The following UVRAG variants were observed in gnomAD, a reference collection of about 807,000 sequenced individuals.
UVRAG encodes UV radiation resistance-associated gene protein.
In UVRAG, 19 loss-of-function variants were observed where a neutral mutation model predicts 78.0. The observed-to-expected ratio is 0.24, with a 90% CI of 0.17 to 0.36. The LOEUF is 0.36. UVRAG is among the 10% of genes least tolerant of loss of function. The pLI is 1.00. For synonymous variants in UVRAG, 323 were observed against 324.6 expected (o/e 1.00, Z 0.05); for missense variants, 740 against 853.8 (o/e 0.87, Z 1.66).
intron 6 of UVRAG, among the ~76,000 whole-genome samples, chr11:75,954,898 A>G (rs1245417822): frequency 6.6e-6 from 1 of 152,224 alleles, no homozygotes; most frequent in African/African-American, 2.4e-5. Context: ...GCTTTTGAAG[A>G]AGAGGTTGCT....
In UVRAG at chr11:75,867,428, C is replaced by CT. The variant is rs371407045; in HGVS notation, c.270+5651dup. Among the ~76,000 whole-genome samples the CT allele has an allele frequency of 1.2e-3, 183 of 152,250 alleles. 1 individual carries two copies. The highest frequency in any genetic ancestry group is 4.2e-3 in the African/African-American group (173 of 41,546). On this transcript the variant is annotated intron_variant, in intron 3 of 14. Coordinates refer to ENST00000356136, the MANE Select transcript of UVRAG (RefSeq NM_003369.4). ...TTTGTGTCCGATTGCCATGTTTCAA[C>CT]TTTATGTAGTAAGATTCATTTATTT...
At chr11:75,992,274 T>C (rs2135301718) in intron 8 of UVRAG, among the ~76,000 whole-genome samples, 1 of 152,328 alleles carries the variant, frequency 6.6e-6, no homozygotes, top group East Asian at 1.9e-4. Context: ...TGCACATTCT[T>C]GAATCTCTAT....
intron 13 of UVRAG, among the ~76,000 whole-genome samples, chr11:76,083,854 C>T (rs1164757740): frequency 2.0e-5 from 3 of 152,184 alleles, no homozygotes; most frequent in African/African-American, 7.2e-5. Context: ...ATAAACATCA[C>T]TTCATGTTAT....
intron 3 of UVRAG, among the ~76,000 whole-genome samples, chr11:75,869,150 C>T (rs1245465102): frequency 6.6e-6 from 1 of 152,148 alleles, no homozygotes; most frequent in Non-Finnish European, 1.5e-5. Flanking sequence ...GTTCCAGAGC[C>T]CTGCTGTTTT....
intron 13 of UVRAG, among the ~76,000 whole-genome samples, chr11:76,089,747 G>A (rs1951660851): frequency 6.6e-6 from 1 of 152,106 alleles, no homozygotes; most frequent in African/African-American, 2.4e-5. Context: ...TAAATAATTT[G>A]ATAATGTTGA....
At chr11:76,082,997 C>T (rs368233144) in intron 13 of UVRAG, among the ~76,000 whole-genome samples, 5 of 152,304 alleles carry the variant, frequency 3.3e-5, no homozygotes, top group African/African-American at 1.2e-4. Context: ...CACCACTGCA[C>T]TCCAGCCTGG....
chr11:75,994,854 T>TTGCTTTGTTC (rs2135308682), intron 8 of UVRAG, among the ~76,000 whole-genome samples: 1 of 152,358 alleles, frequency 6.6e-6, no homozygotes, highest in Non-Finnish European at 1.5e-5. Flanking sequence ...GAACTTTGTT[T>TTGCTTTGTTC]TGCTTTGTTC....
chr11:76,066,325 C>T (rs774642616), intron 13 of UVRAG, among the ~76,000 whole-genome samples: 2 of 152,002 alleles, frequency 1.3e-5, no homozygotes, highest in East Asian at 1.9e-4. Context: ...TTCCGTATGC[C>T]GTAGTAAGAC....
Position 75,911,988 on chromosome 11 carries a change from A to G in UVRAG, c.542A>G (p.Gln181Arg), listed in dbSNP as rs780270427. The G allele has an allele frequency of 1.2e-6, 2 of 1,613,550 alleles. No individual in the cohort carries two copies. The highest frequency in any genetic ancestry group is 1.7e-5 in the Admixed American group (1 of 60,012). ...YSNAQKTILL[Q>R]VDQNCVRNSY... is the part of the protein sequence containing the mutation. ...AATGCTCAGAAGACTATTCTTCTGCAGGTGGATCAGAACTGTGTTCGCAAT... is the reference window on the plus strand; with the variant it reads ...AATGCTCAGAAGACTATTCTTCTGCGGGTGGATCAGAACTGTGTTCGCAAT... Residue 181 changes from glutamine to arginine, a missense_variant, in exon 6 of 15, where the codon CAG becomes CGG. Gln to Arg is a conservative substitution (Grantham distance 43, BLOSUM62 1). Transcript: ENST00000356136.
intron 13 of UVRAG, among the ~76,000 whole-genome samples, chr11:76,072,986 G>A (rs953048847): frequency 5.3e-5 from 8 of 152,138 alleles, no homozygotes; most frequent in African/African-American, 1.7e-4. Flanking sequence ...ACATGATGGT[G>A]GCTAAAATTG....
rs543592212 is a variant in UVRAG, at chr11:76,120,921, A to G, written c.1397+4906A>G. Among the ~76,000 whole-genome samples the G allele has an allele frequency of 3.4e-4, 52 of 152,306 alleles. No homozygotes were observed. In the South Asian group the frequency reaches 0.011, roughly 32 times the overall value. ...TCAGGTTCCTAAGGGAGGCTCTTAC[A>G]TCTTTTGTAAAGCAAAACACTTCCA... On this transcript the variant is annotated intron_variant, in intron 14 of 14. Coordinates refer to ENST00000356136, the MANE Select transcript of UVRAG (RefSeq NM_003369.4).
rs139708016 is a variant in UVRAG, at chr11:76,127,414, G to A, written c.1397+11399G>A. Among the ~76,000 whole-genome samples the A allele has an allele frequency of 7.7e-3, 1,179 of 152,252 alleles. 19 individuals carry two copies. Among genetic ancestry groups the A allele is most frequent in the African/African-American group, 0.027 (1,138 of 41,544 alleles). ...CACGCCTGTAATCCCAGCACTTTGGGAGGCCGAGGTGGGTGGATCACCTGA... is the reference window on the plus strand; with the variant it reads ...CACGCCTGTAATCCCAGCACTTTGGAAGGCCGAGGTGGGTGGATCACCTGA... On this transcript the variant is annotated intron_variant, in intron 14 of 14. Transcript: ENST00000356136.
chr11:75,909,646 T>C (rs1947691434), intron 5 of UVRAG, among the ~76,000 whole-genome samples: 1 of 152,258 alleles, frequency 6.6e-6, no homozygotes, highest in Admixed American at 6.5e-5. Flanking sequence ...TTTATAATGG[T>C]GTGCCCATCA....
intron 3 of UVRAG, among the ~76,000 whole-genome samples, chr11:75,874,100 C>T (rs1946710323): frequency 2.0e-5 from 3 of 152,200 alleles, no homozygotes; most frequent in African/African-American, 4.8e-5. Context: ...AGTGTGAGAC[C>T]TGTGGAGTCT....
At chr11:75,939,442 A>G (rs1426897177) in intron 6 of UVRAG, among the ~76,000 whole-genome samples, 1 of 152,206 alleles carries the variant, frequency 6.6e-6, no homozygotes, top group Non-Finnish European at 1.5e-5. Flanking sequence ...CCTCTAAATC[A>G]TAGCTCTTAA....
chr11:75,832,023 G>A (rs1284834517), intron 1 of UVRAG, among the ~76,000 whole-genome samples: 3 of 152,150 alleles, frequency 2.0e-5, no homozygotes, highest in Non-Finnish European at 4.4e-5. Context: ...CTCCATGTAC[G>A]ATTTCTACTG....
chr11:75,853,947 AT>A, intron 2 of UVRAG, among the ~76,000 whole-genome samples: 1 of 150,878 alleles, frequency 6.6e-6, no homozygotes, highest in South Asian at 2.1e-4. Context: ...TGATATTTGT[AT>A]TTTTAGTAGA....
intron 5 of UVRAG, among the ~76,000 whole-genome samples, chr11:75,893,522 C>T (rs1182293091): frequency 6.6e-6 from 1 of 151,934 alleles, no homozygotes; most frequent in Non-Finnish European, 1.5e-5. Context: ...ATTAGGCTGA[C>T]AGCAGACTTC....
intron 12 of UVRAG, among the ~76,000 whole-genome samples, chr11:76,021,067 G>GT (rs1195616932): frequency 6.6e-6 from 1 of 152,160 alleles, no homozygotes; most frequent in Non-Finnish European, 1.5e-5. Flanking sequence ...CAGATGCTCT[G>GT]TATCTCATGG....
Sources: allele counts gnomAD v4.1 joint callset (sites outside exome capture counted in the v4.1 genomes callset), GRCh38; gene constraint gnomAD v4.1.1; transcripts MANE v1.5; gene names NCBI Gene and HGNC (gene_info 2026-07-23, HGNC 2026-07-21).